HDAC8: variants seen among roughly 807,000 people sequenced by gnomAD.
HDAC8 encodes the protein histone deacetylase-like 1.
Under a neutral mutation model 32.2 loss-of-function variants are expected in HDAC8, and 1 was observed. The ratio of observed to expected loss-of-function variants is 0.03; its 90% CI spans 0.01 to 0.15. HDAC8 has a LOEUF of 0.15. Ranked by LOEUF, HDAC8 falls within the 10% of genes least tolerant of loss-of-function variation. HDAC8 has a pLI of 1.00. For missense variants in HDAC8, 117 were observed against 300.0 expected (o/e 0.39, Z 4.51); for synonymous variants, 108 against 113.9 (o/e 0.95, Z 0.33).
At chrX:72,568,097 T>G (rs1249252133) in intron 3 of HDAC8, 67 bp from the exon 4 acceptor site, 13 of 1,035,353 alleles carry the variant, frequency 1.3e-5, no homozygotes, top group Non-Finnish European at 1.7e-5. Flanking sequence ...TAGGTTGAGG[T>G]GTGACAACAA....
At chrX:72,338,701 ATT>A (rs60971788) in intron 10 of HDAC8, among the ~76,000 whole-genome samples, 1 of 98,897 alleles carries the variant, frequency 1.0e-5, no homozygotes, top group Non-Finnish European at 2.0e-5. Flanking sequence ...ATATATATAT[ATT>A]TATATATATA....
At chrX:72,517,271 GTTAT>G in intron 4 of HDAC8, among the ~76,000 whole-genome samples, 1 of 111,070 alleles carries the variant, frequency 9.0e-6, no homozygotes, top group Non-Finnish European at 1.9e-5. Context: ...TTTGAATTAG[GTTAT>G]TTGTCTTTTC....
chrX:72,341,694 C>A (rs1418124110), intron 10 of HDAC8, among the ~76,000 whole-genome samples: 2 of 111,705 alleles, frequency 1.8e-5, no homozygotes, highest in African/African-American at 6.5e-5. Context: ...AGAATCACCA[C>A]CTCAGCCTGT....
chrX:72,518,027 A>G (rs902431064), intron 4 of HDAC8, among the ~76,000 whole-genome samples: 1 of 111,870 alleles, frequency 8.9e-6, no homozygotes, highest in African/African-American at 3.2e-5. Context: ...ATGAGATCTC[A>G]TTATACATTT....
In HDAC8 at chrX:72,455,918, C is replaced by T. The variant is rs60157108; in HGVS notation, c.1005+6086G>A. On this transcript the variant is annotated intron_variant, in intron 9 of 10. Coordinates refer to ENST00000373573, the MANE Select transcript of HDAC8 (RefSeq NM_018486.3). ...ATAGTACATAAAAAGTTCACTGATA[C>T]GGTTTCAGATTCCACACTGGATTAA... 4.6e-3 allele frequency among the ~76,000 whole-genome samples: 514 copies of T among 112,235 alleles called. 1 individual carries two copies. The highest frequency in any genetic ancestry group is 0.016 in the African/African-American group (496 of 30,973).
Position 72,335,868 on chromosome X carries a change from C to T in HDAC8, c.1112-5792G>A, listed in dbSNP as rs782729350. 3.7e-5 allele frequency among the ~76,000 whole-genome samples: 4 copies of T among 107,130 alleles called. No homozygotes were observed. In the South Asian group the frequency reaches 1.7e-3, roughly 46 times the overall value. 93.0% of individuals were successfully genotyped at this position (107,130 alleles called of 115,157 possible). A position where few individuals can be genotyped will look rare whatever the true frequency, so the allele number is the denominator to read the frequency against. On this transcript the variant is annotated intron_variant, in intron 10 of 10. Coordinates refer to ENST00000373573, the MANE Select transcript of HDAC8 (RefSeq NM_018486.3). ...AGGCTGCAGTGAGCTATGATTGTGC[C>T]ACTGCACTCTGGCCTGGGTGACAGA...
chrX:72,442,334 C>A (rs2047182832), intron 9 of HDAC8, among the ~76,000 whole-genome samples: 1 of 111,771 alleles, frequency 8.9e-6, no homozygotes, highest in South Asian at 3.8e-4. Flanking sequence ...AACAGCGGAT[C>A]TCTCGGCAGA....
chrX:72,517,833 T>A (rs1556026154), intron 4 of HDAC8, among the ~76,000 whole-genome samples: 1 of 111,711 alleles, frequency 9.0e-6, no homozygotes, highest in East Asian at 2.8e-4. Flanking sequence ...GTCCTTCAAA[T>A]TTGTTCTTTT....
chrX:72,448,340 T>A (rs1555986009), intron 9 of HDAC8, among the ~76,000 whole-genome samples: 1 of 112,069 alleles, frequency 8.9e-6, no homozygotes, highest in Admixed American at 9.5e-5. Flanking sequence ...GGGGAAAGAT[T>A]CCCTATTTAA....
intron 4 of HDAC8, among the ~76,000 whole-genome samples, chrX:72,528,766 C>A: frequency 8.9e-6 from 1 of 111,775 alleles, no homozygotes; most frequent in Non-Finnish European, 1.9e-5. Flanking sequence ...TGGTTACCCA[C>A]TACTTTTCCT....
intron 7 of HDAC8, among the ~76,000 whole-genome samples, chrX:72,487,906 A>C (rs782093961): frequency 9.4e-6 from 1 of 106,576 alleles, no homozygotes; most frequent in Non-Finnish European, 1.9e-5. Context: ...GGAACAAAGA[A>C]GGGCAATTAA....
At chrX:72,490,279 C>G (rs1425386890) in intron 6 of HDAC8, among the ~76,000 whole-genome samples, 1 of 110,437 alleles carries the variant, frequency 9.1e-6, no homozygotes, top group Admixed American at 9.6e-5. Flanking sequence ...CTATAAATCA[C>G]GCTGCTATAA....
At chrX:72,524,874 C>G (rs1556030892) in intron 4 of HDAC8, among the ~76,000 whole-genome samples, 1 of 111,484 alleles carries the variant, frequency 9.0e-6, no homozygotes, top group Non-Finnish European at 1.9e-5. Flanking sequence ...TAGTTCTGAA[C>G]TCTCTCATAA....
chrX:72,358,433 T>G (rs2044438239), intron 9 of HDAC8, among the ~76,000 whole-genome samples: 1 of 111,969 alleles, frequency 8.9e-6, no homozygotes, highest in Admixed American at 9.5e-5. Context: ...AGCACTGTGA[T>G]ACTGTGACAG....
chrX:72,415,242 T>G (rs1394748302), intron 9 of HDAC8, among the ~76,000 whole-genome samples: 3 of 112,169 alleles, frequency 2.7e-5, no homozygotes, highest in African/African-American at 9.7e-5. Context: ...AAAATTTAGT[T>G]GGCCGTATTT....
At chrX:72,349,278 C>G (rs2044111841) in intron 10 of HDAC8, among the ~76,000 whole-genome samples, 1 of 112,037 alleles carries the variant, frequency 8.9e-6, no homozygotes, top group African/African-American at 3.2e-5. Context: ...CAGTCCTCTC[C>G]CCAGCCTGAC....
intron 9 of HDAC8, among the ~76,000 whole-genome samples, chrX:72,441,098 C>G (rs782817487): frequency 8.9e-6 from 1 of 112,959 alleles, no homozygotes; most frequent in Non-Finnish European, 1.9e-5. Context: ...GCTCCACCTC[C>G]GGGGGCAGGG....
At chrX:72,559,350 A>G (rs1365155718) in intron 4 of HDAC8, among the ~76,000 whole-genome samples, 1 of 110,071 alleles carries the variant, frequency 9.1e-6, no homozygotes, top group Non-Finnish European at 1.9e-5. Context: ...GGGATTGCAG[A>G]TGGAGTCTCA....
chrX:72,438,542 A>G (rs1421413366), intron 9 of HDAC8, among the ~76,000 whole-genome samples: 1 of 111,718 alleles, frequency 9.0e-6, no homozygotes, highest in Non-Finnish European at 1.9e-5. Context: ...TTCTAACCCA[A>G]TGCAAGGAAG....
Sources: gnomAD v4.1 joint callset for allele counts (sites outside exome capture counted in the v4.1 genomes callset) on GRCh38, gnomAD v4.1.1 for gene constraint, MANE v1.5 for transcripts, NCBI Gene and HGNC (gene_info 2026-07-23, HGNC 2026-07-21) for gene names.